PTPRD: variants seen among roughly 807,000 people sequenced by gnomAD.
The protein encoded by PTPRD is receptor-type tyrosine-protein phosphatase delta.
A neutral mutation model predicts 214.5 loss-of-function variants in PTPRD; 34 were observed. The ratio of observed to expected loss-of-function variants is 0.16; its 90% CI spans 0.12 to 0.21. The LOEUF is 0.21. Among genes scored for constraint, PTPRD ranks in the 10% least tolerant of loss-of-function variants. The pLI is 1.00. For synonymous variants in PTPRD, 1,128 were observed against 845.7 expected (o/e 1.33, Z -5.79); for missense variants, 2,545 against 2,398.7 (o/e 1.06, Z -1.27).
At chr9:9,457,121 A>C (rs888349246) in intron 8 of PTPRD, among the ~76,000 whole-genome samples, 2 of 151,970 alleles carry the variant, frequency 1.3e-5, no homozygotes, top group Non-Finnish European at 2.9e-5. Flanking sequence ...TAAGTGAAGT[A>C]CTAGGTGAAG....
intron 36 of PTPRD, among the ~76,000 whole-genome samples, chr9:8,393,637 T>C (rs2090286791): frequency 6.6e-6 from 1 of 152,166 alleles, no homozygotes; most frequent in African/African-American, 2.4e-5. Flanking sequence ...TCCATGGCTC[T>C]ACTGCATTTA....
chr9:9,035,105 G>C (rs1330639935), intron 10 of PTPRD, among the ~76,000 whole-genome samples: 4 of 151,996 alleles, frequency 2.6e-5, no homozygotes, highest in African/African-American at 9.7e-5. Flanking sequence ...CTAAATATTT[G>C]TATTCATAGT....
chr9:9,141,030 C>T (rs1055139970), intron 10 of PTPRD, among the ~76,000 whole-genome samples: 1 of 151,998 alleles, frequency 6.6e-6, no homozygotes, highest in Admixed American at 6.6e-5. Flanking sequence ...GGAATTCAAG[C>T]TTGGTGTTTA....
At chr9:10,351,107 T>C (rs981925014) in intron 2 of PTPRD, among the ~76,000 whole-genome samples, 1 of 152,154 alleles carries the variant, frequency 6.6e-6, no homozygotes, top group African/African-American at 2.4e-5. Context: ...AAAGTCACTT[T>C]ATAAAGTGTT....
At chr9:9,319,489 T>C (rs1965287942) in intron 9 of PTPRD, among the ~76,000 whole-genome samples, 1 of 152,220 alleles carries the variant, frequency 6.6e-6, no homozygotes, top group South Asian at 2.1e-4. Flanking sequence ...ACACAGCATT[T>C]GTTAGTTTCA....
chr9:8,845,797 A>G (rs1280406097), intron 11 of PTPRD, among the ~76,000 whole-genome samples: 1 of 152,218 alleles, frequency 6.6e-6, no homozygotes, highest in Non-Finnish European at 1.5e-5. Flanking sequence ...TGCAGTTCCT[A>G]CGGCTCTTGC....
At position 8,492,884 on chromosome 9, in the gene PTPRD, T is replaced by A. The variant is rs752781036; in HGVS notation, c.2445A>T (p.Lys815Asn). The change falls in exon 27 of 46, where the codon AAA becomes AAT. Residue 815 changes from lysine (K) to asparagine (N), a missense_variant. Physicochemically the swap from Lys to Asn is moderately conservative, Grantham distance 94. Coordinates refer to ENST00000381196, the MANE Select transcript of PTPRD (RefSeq NM_002839.4). The part of the protein sequence containing the change: ...TKGDGARSKP[K>N]LVSTTGAVPG... ...TACCTGCCCCAGTGGTGGACACCAG[T>A]TTGGGCTTGCTGCGAGCACCATCTC... is the stretch of plus-strand genomic sequence containing the variant. 1 of 1,613,704 alleles carries A rather than the reference T, an allele frequency of 6.2e-7. No homozygotes were observed. The highest frequency in any genetic ancestry group is 8.5e-7 in the Non-Finnish European group (1 of 1,179,694).
intron 35 of PTPRD, among the ~76,000 whole-genome samples, chr9:8,406,263 G>C (rs1020812029): frequency 6.6e-6 from 1 of 152,078 alleles, no homozygotes; most frequent in Non-Finnish European, 1.5e-5. Flanking sequence ...CAGATGTCCT[G>C]GTGGAAGCCT....
intron 12 of PTPRD, among the ~76,000 whole-genome samples, chr9:8,676,545 C>T (rs943353738): frequency 1.3e-5 from 2 of 151,326 alleles, no homozygotes; most frequent in Admixed American, 1.3e-4. Flanking sequence ...ACCACATCCA[C>T]TTGATTTTTG....
intron 2 of PTPRD, among the ~76,000 whole-genome samples, chr9:10,580,650 C>T (rs2071403217): frequency 1.3e-5 from 2 of 151,932 alleles, no homozygotes; most frequent in Non-Finnish European, 2.9e-5. Flanking sequence ...GTGTAACTCT[C>T]ATATTCTGAA....
At chr9:10,429,606 C>A (rs1248945603) in intron 2 of PTPRD, among the ~76,000 whole-genome samples, 1 of 151,654 alleles carries the variant, frequency 6.6e-6, no homozygotes, top group Admixed American at 6.6e-5. Context: ...TGTTCTCACT[C>A]ATAAGTGAGG....
At chr9:9,683,490 A>C (rs1387291444) in intron 7 of PTPRD, among the ~76,000 whole-genome samples, 1 of 151,738 alleles carries the variant, frequency 6.6e-6, no homozygotes, top group African/African-American at 2.4e-5. Context: ...CAAAGCAATA[A>C]AATATGTACT....
intron 3 of PTPRD, among the ~76,000 whole-genome samples, chr9:10,238,216 C>A (rs941677435): frequency 1.3e-5 from 2 of 151,438 alleles, no homozygotes; most frequent in African/African-American, 4.8e-5. Context: ...GGGCACATAA[C>A]GTTGCTTCAA....
chr9:8,420,421 T>C (rs1434871449), intron 35 of PTPRD, among the ~76,000 whole-genome samples: 1 of 152,164 alleles, frequency 6.6e-6, no homozygotes, highest in Non-Finnish European at 1.5e-5. Flanking sequence ...TAGCTAAAAT[T>C]TTTAGAATTG....
chr9:8,889,929 A>C (rs1202112114), intron 11 of PTPRD, among the ~76,000 whole-genome samples: 1 of 152,208 alleles, frequency 6.6e-6, no homozygotes. Flanking sequence ...ATGCATGTGC[A>C]AGTGTCTCTT....
chr9:10,034,214 C>G (rs1303947755), intron 3 of PTPRD, among the ~76,000 whole-genome samples: 1 of 151,988 alleles, frequency 6.6e-6, no homozygotes, highest in Non-Finnish European at 1.5e-5. Flanking sequence ...ACCACAAACC[C>G]ACTTTTTTAA....
intron 36 of PTPRD, among the ~76,000 whole-genome samples, chr9:8,391,748 A>T (rs1438134924): frequency 1.3e-5 from 2 of 152,146 alleles, no homozygotes; most frequent in Admixed American, 6.6e-5. Flanking sequence ...GACTCAGAAG[A>T]TTCATCACCT....
At chr9:9,434,686 A>G (rs1213559038) in intron 8 of PTPRD, among the ~76,000 whole-genome samples, 1 of 152,032 alleles carries the variant, frequency 6.6e-6, no homozygotes, top group Non-Finnish European at 1.5e-5. Flanking sequence ...AGACCAATAG[A>G]ACACAACAGA....
intron 12 of PTPRD, among the ~76,000 whole-genome samples, chr9:8,702,220 G>T (rs1170640234): frequency 6.6e-6 from 1 of 151,122 alleles, no homozygotes; most frequent in Admixed American, 6.6e-5. Flanking sequence ...ATATAGGACA[G>T]AATGGCTGCC....
Sources: allele counts gnomAD v4.1 joint callset (sites outside exome capture counted in the v4.1 genomes callset), GRCh38; gene constraint gnomAD v4.1.1; transcripts MANE v1.5; gene names NCBI Gene and HGNC (gene_info 2026-07-23, HGNC 2026-07-21).